Variants in DMXL2 observed in about 807,000 individuals in gnomAD.
The protein encoded by DMXL2 is Dmx like 2, also known as dmX-like protein 2.
DMXL2 carries 103 observed loss-of-function variants against 331.1 expected under a neutral mutation model. The ratio of observed to expected loss-of-function variants is 0.31; its 90% CI spans 0.27 to 0.37. The LOEUF is 0.37. Among genes scored for constraint, DMXL2 ranks in the 10% least tolerant of loss-of-function variants. The probability of loss-of-function intolerance (pLI) is 1.00; values close to 1 mark genes in which losing one functional copy is unlikely to be tolerated. For synonymous variants in DMXL2, 1,281 were observed against 1,252.1 expected, an observed-to-expected ratio of 1.02 and a Z score of -0.49; for missense variants, 3,171 against 3,642.9, an observed-to-expected ratio of 0.87 and a Z score of 3.33.
chr15:51,498,577 A>C lies in DMXL2; in HGVS notation c.4647T>G (p.Asp1549Glu), dbSNP rs766198398. The change falls in exon 18 of 44, where the codon GAT (aspartate) becomes GAG (glutamate). Residue 1549 changes from aspartate (D) to glutamate (E), a missense_variant. Around this residue, in one of 7 missense-constraint regions of DMXL2, gnomAD observed 252 missense variants for 387.4 expected, o/e 0.65. Transcript: ENST00000560891. ...CTGAGCAACTCTTATCTCTGCTTTC[A>C]TCAAGCTCAGTACTAGTAGTAGCCA... Reference protein sequence around the residue: ...DTVATTSTELDESRDKSCSGR... With the variant: ...DTVATTSTELEESRDKSCSGR... 3.1e-6 allele frequency: 5 copies of C among 1,612,070 alleles called. No individual in the cohort carries two copies. In the African/African-American group the frequency reaches 6.7e-5, roughly 22 times the overall value.
intron 6 of DMXL2, among the ~76,000 whole-genome samples, chr15:51,557,008 C>T (rs548885512): frequency 7.9e-5 from 12 of 151,630 alleles, no homozygotes; most frequent in Non-Finnish European, 1.5e-4. Context: ...GTTGTCACCA[C>T]GTTTATTCAG....
chr15:51,552,206 G>T (rs1029645926), intron 6 of DMXL2, among the ~76,000 whole-genome samples: 1 of 152,168 alleles, frequency 6.6e-6, no homozygotes, highest in South Asian at 2.1e-4. Flanking sequence ...CACAGGCCAT[G>T]GTAAAGATCA....
intron 6 of DMXL2, among the ~76,000 whole-genome samples, chr15:51,556,935 A>G (rs1373506977): frequency 6.6e-6 from 1 of 152,194 alleles, no homozygotes; most frequent in Admixed American, 6.5e-5. Context: ...AGTAAACATT[A>G]TATTTATGAT....
In DMXL2 at chr15:51,480,637, C is replaced by G. The variant is rs1386329372; in HGVS notation, c.6469G>C (p.Val2157Leu). 4 of 1,611,882 alleles carry G rather than the reference C, an allele frequency of 2.5e-6. No homozygotes were observed. The highest frequency in any genetic ancestry group is 8.5e-7 in the Non-Finnish European group (1 of 1,178,270). The part of the protein sequence containing the change: ...WLQKNQDLLR[V>L]FLSYCSLHGA... Reference sequence around the variant, plus strand: ...TGAAGGCTACAGTAGCTGAGAAATACTCTCAGGAGATCTTGGTTTTTCTGC... The same window carrying G: ...TGAAGGCTACAGTAGCTGAGAAATAGTCTCAGGAGATCTTGGTTTTTCTGC... Residue 2157 changes from valine (V) to leucine (L), a missense_variant, in exon 24 of 44, where the codon GTA becomes CTA. Transcript: ENST00000560891.
At chr15:51,575,278 T>A (rs1439877176) in intron 2 of DMXL2, among the ~76,000 whole-genome samples, 1 of 152,170 alleles carries the variant, frequency 6.6e-6, no homozygotes, top group African/African-American at 2.4e-5. Context: ...TATTCTGATT[T>A]AACATACTCT....
chr15:51,583,143 T>A (rs1349444398), intron 1 of DMXL2, among the ~76,000 whole-genome samples: 1 of 124,488 alleles, frequency 8.0e-6, no homozygotes, highest in Non-Finnish European at 1.7e-5. Context: ...TTTTTTATTA[T>A]ACTCTAAGTT....
In DMXL2 at chr15:51,605,517, C is replaced by CTTTTTTTTT. The variant is rs58113467; in HGVS notation, c.87+16933_87+16941dup. ...GGCCCAGCCCATACAGATTAATATT[C>CTTTTTTTTT]TTTTTTTTTTTTTTTTTTTTTTTTT... On this transcript the variant is annotated intron_variant, in intron 1 of 43. Coordinates refer to ENST00000560891, the MANE Select transcript of DMXL2 (RefSeq NM_001378457.1). 1.7e-3 allele frequency among the ~76,000 whole-genome samples: 37 copies of CTTTTTTTTT among 22,226 alleles called. 14 individuals are homozygous for CTTTTTTTTT. The highest frequency in any genetic ancestry group is 3.5e-3 in the Non-Finnish European group (30 of 8,536). 14.6% of individuals were successfully genotyped at this position (22,226 alleles called of 152,430 possible).
chr15:51,590,603 A>G (rs149831658), intron 1 of DMXL2, among the ~76,000 whole-genome samples: 3 of 151,818 alleles, frequency 2.0e-5, no homozygotes, highest in Admixed American at 6.6e-5. Context: ...TCAATATGTT[A>G]GTTGGACTCA....
chr15:51,543,050 T>C (rs1023534276), intron 8 of DMXL2, among the ~76,000 whole-genome samples: 1 of 152,184 alleles, frequency 6.6e-6, no homozygotes, highest in African/African-American at 2.4e-5. Context: ...GATCTTTAAT[T>C]TGTTTAAATT....
At chr15:51,554,826 T>C (rs2049450220) in intron 6 of DMXL2, among the ~76,000 whole-genome samples, 2 of 152,140 alleles carry the variant, frequency 1.3e-5, no homozygotes, top group Admixed American at 1.3e-4. Context: ...GACGGTTTTG[T>C]ACAAAAGAAG....
At chr15:51,468,624 T>C (rs2040816206) in intron 29 of DMXL2, among the ~76,000 whole-genome samples, 1 of 152,146 alleles carries the variant, frequency 6.6e-6, no homozygotes, top group South Asian at 2.1e-4. Context: ...TTCAGGGTAA[T>C]TGAATAGGTT....
intron 31 of DMXL2, among the ~76,000 whole-genome samples, chr15:51,465,314 G>A (rs2040475376): frequency 6.6e-6 from 1 of 152,174 alleles, no homozygotes; most frequent in Non-Finnish European, 1.5e-5. Context: ...AGGATGGCTT[G>A]AGCCTACGAG....
chr15:51,476,549 A>C (rs766244937), intron 27 of DMXL2, 40 bp downstream of exon 27: 28 of 1,589,374 alleles, frequency 1.8e-5, no homozygotes, highest in East Asian at 4.5e-5. Flanking sequence ...AGAAATTGCC[A>C]ACTAGAAGAT....
intron 1 of DMXL2, among the ~76,000 whole-genome samples, chr15:51,602,027 C>T (rs2053261281): frequency 6.6e-6 from 1 of 152,074 alleles, no homozygotes; most frequent in African/African-American, 2.4e-5. Context: ...AAAGTAACCA[C>T]AGTGATGTCT....
chr15:51,566,321 T>C (rs567274876), intron 3 of DMXL2, among the ~76,000 whole-genome samples: 56 of 151,922 alleles, frequency 3.7e-4, no homozygotes, highest in African/African-American at 1.3e-3. Context: ...AATTATTTGA[T>C]ATTTTATAAT....
intron 6 of DMXL2, among the ~76,000 whole-genome samples, chr15:51,561,511 C>T (rs571898154): frequency 7.3e-6 from 1 of 137,000 alleles, no homozygotes; most frequent in East Asian, 2.1e-4. Flanking sequence ...CATGCAGGCC[C>T]TTGGGCTCCC....
intron 29 of DMXL2, among the ~76,000 whole-genome samples, chr15:51,470,307 A>AT (rs892818745): frequency 3.3e-5 from 5 of 151,892 alleles, no homozygotes; most frequent in African/African-American, 1.2e-4. Context: ...ACGTTTTAAA[A>AT]TTTTTTTGGC....
intron 1 of DMXL2, among the ~76,000 whole-genome samples, chr15:51,591,749 G>T (rs116444451): frequency 1.3e-5 from 2 of 152,142 alleles, no homozygotes; most frequent in Non-Finnish European, 2.9e-5. Context: ...GGAACGATCC[G>T]CTGTTCACCA....
chr15:51,542,882 C>T (rs770391940), intron 8 of DMXL2, among the ~76,000 whole-genome samples: 1 of 151,206 alleles, frequency 6.6e-6, no homozygotes, highest in East Asian at 1.9e-4. Flanking sequence ...AAGAATATTG[C>T]CTCCCCAATA....
Sources: gnomAD v4.1 joint callset for allele counts (sites outside exome capture counted in the v4.1 genomes callset) on GRCh38, gnomAD v4.1.1 for gene constraint, gnomAD v4.1.1 regional missense constraint, MANE v1.5 for transcripts, NCBI Gene and HGNC (gene_info 2026-07-23, HGNC 2026-07-21) for gene names.